Variants in UTS2 observed in about 807,000 individuals in gnomAD.
The protein encoded by UTS2 is urotensin-2.
In UTS2, 10 loss-of-function variants were observed where a neutral mutation model predicts 12.6. The ratio of observed to expected loss-of-function variants is 0.80; its 90% CI spans 0.49 to 1.35. UTS2 has a LOEUF of 1.35. Among genes scored for constraint, UTS2 ranks in the 40% most tolerant of loss-of-function variants. UTS2 has a pLI of 0.00. For missense variants in UTS2, 142 were observed against 143.2 expected, an observed-to-expected ratio of 0.99 and a Z score of 0.04; for synonymous variants, 52 against 50.0, an observed-to-expected ratio of 1.04 and a Z score of -0.17.
chr1:7,850,127 G>T (rs955338543), intron 2 of UTS2, among the ~76,000 whole-genome samples: 1 of 151,958 alleles, frequency 6.6e-6, no homozygotes, highest in African/African-American at 2.4e-5. Flanking sequence ...CCGCCACCAT[G>T]CCCGGCTGAT....
At chr1:7,862,522 C>G in the UTS2 span, among the ~76,000 whole-genome samples, 6 of 152,058 alleles carry the variant, frequency 3.9e-5, no homozygotes, top group Admixed American at 3.3e-4. Flanking sequence ...ATTTGGCTCA[C>G]AGTTCTGCAG....
the UTS2 span, among the ~76,000 whole-genome samples, chr1:7,897,748 G>A: frequency 5.3e-5 from 8 of 152,078 alleles, no homozygotes; most frequent in African/African-American, 9.6e-5. Context: ...CACCACGCCC[G>A]GCTAATTTTT....
the UTS2 span, among the ~76,000 whole-genome samples, chr1:7,891,670 A>G: frequency 1.2e-3 from 177 of 149,710 alleles, no homozygotes; most frequent in African/African-American, 4.2e-3. Flanking sequence ...GAGTATGTTC[A>G]TTAGTTTGCT....
the UTS2 span, among the ~76,000 whole-genome samples, chr1:7,891,109 G>T: frequency 6.6e-6 from 1 of 152,110 alleles, no homozygotes; most frequent in African/African-American, 2.4e-5. Flanking sequence ...TGAATCTCCA[G>T]ATCATTATGA....
chr1:7,896,994 G>A, the UTS2 span, among the ~76,000 whole-genome samples: 1 of 140,008 alleles, frequency 7.1e-6, no homozygotes, highest in Non-Finnish European at 1.5e-5. Flanking sequence ...CACTGTGCCT[G>A]GCTGAAAAAA....
the UTS2 span, among the ~76,000 whole-genome samples, chr1:7,877,017 C>T: frequency 6.6e-6 from 1 of 150,820 alleles, no homozygotes; most frequent in Non-Finnish European, 1.5e-5. Context: ...GTAGTCCCAG[C>T]TACTCAGGAG....
At chr1:7,883,677 A>G in the UTS2 span, among the ~76,000 whole-genome samples, 1 of 152,234 alleles carries the variant, frequency 6.6e-6, no homozygotes, top group East Asian at 1.9e-4. Flanking sequence ...ATCATGTATC[A>G]ATTTTTAAAA....
the UTS2 span, among the ~76,000 whole-genome samples, chr1:7,860,576 T>G: frequency 1.3e-5 from 2 of 152,034 alleles, no homozygotes; most frequent in East Asian, 3.9e-4. Flanking sequence ...ATTTCTATTA[T>G]TATTATTTTT....
At chr1:7,912,912 T>TC in the UTS2 span, among the ~76,000 whole-genome samples, 11 of 151,938 alleles carry the variant, frequency 7.2e-5, 1 homozygote, top group African/African-American at 1.4e-4. Flanking sequence ...TATTTTTTTT[T>TC]TCTCTCTCTC....
upstream of UTS2, among the ~76,000 whole-genome samples, chr1:7,854,511 C>CAAAAAAAAAAAAAAAA (rs34363679): frequency 1.0e-5 from 1 of 99,482 alleles, no homozygotes; most frequent in Non-Finnish European, 2.0e-5. Context: ...GACCATGTCT[C>CAAAAAAAAAAAAAAAA]AAAAAAAAAA....
At chr1:7,911,446 C>T in the UTS2 span, among the ~76,000 whole-genome samples, 2 of 152,032 alleles carry the variant, frequency 1.3e-5, no homozygotes, top group Non-Finnish European at 2.9e-5. Flanking sequence ...TGAAACAGCC[C>T]CACGTAATTT....
chr1:7,861,564 T>TG, the UTS2 span, among the ~76,000 whole-genome samples: 1 of 152,208 alleles, frequency 6.6e-6, no homozygotes, highest in African/African-American at 2.4e-5. Flanking sequence ...TTTCTTGCAG[T>TG]GGGCTTGACC....
the UTS2 span, among the ~76,000 whole-genome samples, chr1:7,901,897 G>A: frequency 6.6e-6 from 1 of 152,134 alleles, no homozygotes; most frequent in Non-Finnish European, 1.5e-5. Flanking sequence ...GAGAAAGAAG[G>A]AACAGCAAAC....
the UTS2 span, among the ~76,000 whole-genome samples, chr1:7,867,261 G>T: frequency 6.6e-6 from 1 of 152,188 alleles, no homozygotes; most frequent in Admixed American, 6.5e-5. Flanking sequence ...GTTAGATATT[G>T]CCTGGTGTCA....
At chr1:7,895,551 A>G in the UTS2 span, among the ~76,000 whole-genome samples, 3 of 152,296 alleles carry the variant, frequency 2.0e-5, no homozygotes, top group East Asian at 5.8e-4. Flanking sequence ...TGAGGAGTGC[A>G]GGCTTGTTTT....
chr1:7,897,523 T>G, the UTS2 span, among the ~76,000 whole-genome samples: 1 of 152,244 alleles, frequency 6.6e-6, no homozygotes, highest in South Asian at 2.1e-4. Flanking sequence ...GGAGGCTTTC[T>G]ATCCATGAAC....
chr1:7,906,917 G>A, the UTS2 span, among the ~76,000 whole-genome samples: 2 of 152,084 alleles, frequency 1.3e-5, no homozygotes, highest in Non-Finnish European at 1.5e-5. Flanking sequence ...AGACACATAC[G>A]ATCATTATTA....
At chr1:7,863,822 A>G in the UTS2 span, among the ~76,000 whole-genome samples, 1 of 152,220 alleles carries the variant, frequency 6.6e-6, no homozygotes, top group South Asian at 2.1e-4. Flanking sequence ...GTTCATGATT[A>G]TATCTGTGGG....
the UTS2 span, among the ~76,000 whole-genome samples, chr1:7,886,944 G>A: frequency 6.7e-6 from 1 of 149,376 alleles, no homozygotes; most frequent in Admixed American, 6.8e-5. Context: ...GGGAGGCTGA[G>A]GCAGGAGAAT....
Sources: gnomAD v4.1 joint callset for allele counts (sites outside exome capture counted in the v4.1 genomes callset) on GRCh38, gnomAD v4.1.1 for gene constraint, MANE v1.5 for transcripts, NCBI Gene and HGNC (gene_info 2026-07-23, HGNC 2026-07-21) for gene names.